RTN4IP1: variants seen among roughly 807,000 people sequenced by gnomAD.
RTN4IP1 encodes the protein NAD(P)H oxidoreductase RTN4IP1, mitochondrial.
A neutral mutation model predicts 46.6 loss-of-function variants in RTN4IP1; 32 were observed. That is an observed-to-expected ratio of 0.69 (90% confidence interval 0.52 to 0.92). The LOEUF (loss-of-function observed/expected upper bound fraction) is 0.92, where lower values mean the gene tolerates loss of function less well. Among genes scored for constraint, RTN4IP1 ranks in the 40% least tolerant of loss-of-function variants. RTN4IP1 has a pLI of 0.00. For missense variants in RTN4IP1, 424 were observed against 485.8 expected (o/e 0.87, Z 1.20); for synonymous variants, 167 against 161.8 (o/e 1.03, Z -0.24).
chr6:106,621,842 A>G (rs1386782190), intron 2 of RTN4IP1, among the ~76,000 whole-genome samples: 1 of 152,168 alleles, frequency 6.6e-6, no homozygotes, highest in Non-Finnish European at 1.5e-5. Context: ...ACTGGGCCTA[A>G]CTTTATCTAC....
intron 6 of RTN4IP1, among the ~76,000 whole-genome samples, chr6:106,589,181 GGA>G (rs1775566115): frequency 5.1e-5 from 1 of 19,470 alleles, no homozygotes; most frequent in African/African-American, 1.4e-4. Context: ...TGGAGGAGGA[GGA>G]GGAGGGAGGA....
Position 106,571,925 on chromosome 6 carries a change from C to T in RTN4IP1, c.*71G>A. ...CTGGAAAAATGTTTGAAAGGGATGGCTAGAAAAAAATTTGGGCTCACAGGC... is the reference window on the plus strand; with the variant it reads ...CTGGAAAAATGTTTGAAAGGGATGGTTAGAAAAAAATTTGGGCTCACAGGC... On this transcript the variant is annotated 3_prime_UTR_variant, in exon 9 of 9. Coordinates refer to ENST00000369063, the MANE Select transcript of RTN4IP1 (RefSeq NM_032730.5). 2.0e-6 allele frequency: 2 copies of T among 992,376 alleles called. No homozygotes were observed. Among genetic ancestry groups the T allele is most frequent in the East Asian group, 4.8e-5 (2 of 41,684 alleles). The allele number at this position is 992,376 out of a possible 1,614,324, so 61.5% of individuals were successfully genotyped here.
At chr6:106,619,157 G>A (rs201891312) in intron 4 of RTN4IP1, 45 bp downstream of exon 4, 365 of 1,604,422 alleles carry the variant, frequency 2.3e-4, no homozygotes, top group Non-Finnish European at 2.9e-4. Context: ...ACTCACAGAA[G>A]GAAAGAAAAG....
intron 3 of RTN4IP1, among the ~76,000 whole-genome samples, chr6:106,620,826 G>A (rs75917440): frequency 0.055 from 8,339 of 152,150 alleles, 344 homozygotes; most frequent in Non-Finnish European, 0.084. Flanking sequence ...CCCATTAGTC[G>A]TGAAGTAAAT....
chr6:106,584,899 A>C (rs1471247624), intron 7 of RTN4IP1, among the ~76,000 whole-genome samples: 1 of 152,262 alleles, frequency 6.6e-6, no homozygotes, highest in Non-Finnish European at 1.5e-5. Flanking sequence ...TGAGAGCTAA[A>C]GGATTCATCA....
chr6:106,598,577 T>C (rs1332909450), intron 5 of RTN4IP1, among the ~76,000 whole-genome samples: 3 of 151,918 alleles, frequency 2.0e-5, no homozygotes, highest in East Asian at 1.9e-4. Context: ...TTTGAGTTCA[T>C]TGTAGATTCT....
intron 1 of RTN4IP1, among the ~76,000 whole-genome samples, chr6:106,625,661 CTTTT>C (rs773454257): frequency 3.5e-5 from 4 of 112,806 alleles, no homozygotes; most frequent in African/African-American, 1.3e-4. Context: ...TCTTTTTTTT[CTTTT>C]TTTTTTTTTT....
upstream of RTN4IP1, among the ~76,000 whole-genome samples, chr6:106,629,916 G>C (rs1776781525): frequency 6.6e-6 from 1 of 152,108 alleles, no homozygotes; most frequent in Admixed American, 6.6e-5. Flanking sequence ...TCTGCACCGC[G>C]GATCTGTAGG....
intron 8 of RTN4IP1, among the ~76,000 whole-genome samples, chr6:106,581,565 T>C (rs1270772606): frequency 6.6e-6 from 1 of 152,180 alleles, no homozygotes; most frequent in African/African-American, 2.4e-5. Context: ...GAACCCCTCA[T>C]TGCCAGAAAT....
chr6:106,573,030 G>T (rs55702661), intron 8 of RTN4IP1, among the ~76,000 whole-genome samples: 21,528 of 152,136 alleles, frequency 0.14, 1,747 homozygotes, highest in African/African-American at 0.21. Context: ...AGCTGCCCTG[G>T]CAGGCTTTGC....
upstream of RTN4IP1, chr6:106,629,502 G>A (rs577143404): frequency 8.4e-5 from 70 of 835,124 alleles, no homozygotes; most frequent in South Asian, 1.3e-3. Context: ...GCTTTGCGGC[G>A]CCAACCAATC....
At chr6:106,617,529 G>T (rs1399694227) in intron 4 of RTN4IP1, among the ~76,000 whole-genome samples, 1 of 152,098 alleles carries the variant, frequency 6.6e-6, no homozygotes, top group Non-Finnish European at 1.5e-5. Context: ...ATAGCATGTG[G>T]TCACCTGGTT....
intron 4 of RTN4IP1, among the ~76,000 whole-genome samples, chr6:106,615,678 T>G (rs962045496): frequency 2.3e-4 from 35 of 152,024 alleles, no homozygotes; most frequent in African/African-American, 8.5e-4. Flanking sequence ...AAGTACAACT[T>G]TCCCGGCAAG....
At chr6:106,612,290 T>C (rs928115304) in intron 4 of RTN4IP1, among the ~76,000 whole-genome samples, 18 of 146,226 alleles carry the variant, frequency 1.2e-4, no homozygotes, top group African/African-American at 4.6e-4. Context: ...GGGAGGCTGA[T>C]GCAGGAGAAT....
intron 7 of RTN4IP1, among the ~76,000 whole-genome samples, chr6:106,585,917 G>A (rs1482436362): frequency 2.0e-5 from 3 of 152,160 alleles, no homozygotes; most frequent in African/African-American, 7.2e-5. Context: ...TTAAAGCACT[G>A]GAAAATCTGG....
intron 4 of RTN4IP1, among the ~76,000 whole-genome samples, chr6:106,611,510 G>A (rs1301482437): frequency 6.6e-6 from 1 of 152,194 alleles, no homozygotes; most frequent in Non-Finnish European, 1.5e-5. Flanking sequence ...GGATTATGCT[G>A]AAAATGTATC....
chr6:106,578,993 T>C (rs1442641399), intron 8 of RTN4IP1, among the ~76,000 whole-genome samples: 2 of 151,834 alleles, frequency 1.3e-5, no homozygotes, highest in South Asian at 2.1e-4. Flanking sequence ...TCCCAGCACA[T>C]TGGGAGGCCA....
chr6:106,590,275 A>T (rs139992752), intron 6 of RTN4IP1, among the ~76,000 whole-genome samples: 2 of 152,282 alleles, frequency 1.3e-5, no homozygotes, highest in African/African-American at 4.8e-5. Context: ...AGATCACGCC[A>T]TTGCACTCCA....
Position 106,621,581 on chromosome 6 carries a change from C to G in RTN4IP1, c.427-88G>C, listed in dbSNP as rs1475276583. The stretch of plus-strand genomic sequence containing the variant: ...CAAGAAAGTGTTCCCTAATATATAC[C>G]CTGTGCTGTGAAAAACACAGAAGTC... On this transcript the variant is annotated intron_variant, in intron 2 of 8. Transcript: ENST00000369063. 12 of 1,052,068 alleles carry G rather than the reference C, an allele frequency of 1.1e-5. No homozygotes were observed. In the East Asian group the frequency reaches 2.6e-4, roughly 23 times the overall value. The allele number at this position is 1,052,068 out of a possible 1,614,324, so 65.2% of individuals were successfully genotyped here.
Sources: allele counts gnomAD v4.1 joint callset (sites outside exome capture counted in the v4.1 genomes callset), GRCh38; gene constraint gnomAD v4.1.1; transcripts MANE v1.5; gene names NCBI Gene and HGNC (gene_info 2026-07-23, HGNC 2026-07-21).